CETP: variants seen among roughly 807,000 people sequenced by gnomAD.
CETP encodes the protein BPI fold containing family F.
CETP carries 56 observed loss-of-function variants against 66.5 expected under a neutral mutation model. The observed-to-expected ratio is 0.84, with a 90% CI of 0.68 to 1.05. The LOEUF (loss-of-function observed/expected upper bound fraction) is 1.05. Among genes scored for constraint, CETP ranks in the 50% least tolerant of loss-of-function variants. CETP has a pLI of 0.00. For missense variants in CETP, 612 were observed against 609.6 expected (o/e 1.00, Z -0.04); for synonymous variants, 251 against 245.7 (o/e 1.02, Z -0.20).
In CETP at chr16:56,983,707, C is replaced by A. The variant is rs554602164; in HGVS notation, c.*41C>A. On this transcript the variant is annotated 3_prime_UTR_variant, in exon 16 of 16. Transcript: ENST00000200676. ...TCGGGATGGGGCTTGTAGCAGAAGG[C>A]AAGCACCAGGCTCACAGCTGGAACC... 16 of 1,580,402 alleles carry A rather than the reference C, an allele frequency of 1.0e-5. No individual in the cohort carries two copies. Among genetic ancestry groups the A allele is most frequent in the African/African-American group, 1.3e-5 (1 of 74,330 alleles).
At chr16:56,976,038 C>T (rs1597003835) in intron 10 of CETP, among the ~76,000 whole-genome samples, 1 of 152,236 alleles carries the variant, frequency 6.6e-6, no homozygotes, top group African/African-American at 2.4e-5. Context: ...CTTGCACATA[C>T]ACAACTCACA....
chr16:56,976,457 A>ATTTCT (rs1218450422), intron 10 of CETP, among the ~76,000 whole-genome samples: 2 of 150,336 alleles, frequency 1.3e-5, no homozygotes, highest in Non-Finnish European at 3.0e-5. Context: ...AGCTCTAGAA[A>ATTTCT]TTTCTTTTCT....
chr16:56,979,173 C>A (rs1288258175), intron 11 of CETP, among the ~76,000 whole-genome samples: 1 of 152,144 alleles, frequency 6.6e-6, no homozygotes, highest in Non-Finnish European at 1.5e-5. Flanking sequence ...TGTTTATTAC[C>A]CGAGTCCACA....
Position 56,963,130 on chromosome 16 carries a change from T to A in CETP, c.233+6T>A. 1.9e-6 allele frequency: 3 copies of A among 1,610,372 alleles called. No individual in the cohort carries two copies. Among genetic ancestry groups the A allele is most frequent in the Non-Finnish European group, 2.5e-6 (3 of 1,177,154 alleles). On this transcript the variant is annotated splice_donor_region_variant and intron_variant, in intron 2 of 15. Transcript: ENST00000200676. ...GTCAAGTATGGGTTGCACAAGTGAG[T>A]CGGGCCTCGGGTGTGACCAGGCTGG...
In CETP at chr16:56,962,340, T is replaced by C. The variant is rs781767470; in HGVS notation, c.118+243T>C. On this transcript the variant is annotated intron_variant, in intron 1 of 15. Coordinates refer to ENST00000200676, the MANE Select transcript of CETP (RefSeq NM_000078.3). The stretch of plus-strand genomic sequence containing the variant: ...CATTGCAAACAGCCAGGTATAGGGA[T>C]TTGTGTTTGTCTGAGACCCAGAATC... 13 of 711,602 alleles carry C rather than the reference T, an allele frequency of 1.8e-5. No homozygotes were observed. In the Admixed American group the frequency reaches 2.1e-4, roughly 12 times the overall value. The allele number at this position is 711,602 out of a possible 1,614,324, so 44.1% of individuals were successfully genotyped here.
chr16:56,982,269 C>A, intron 14 of CETP, 32 bp downstream of exon 14: 1 of 1,603,124 alleles, frequency 6.2e-7, no homozygotes, highest in Non-Finnish European at 8.5e-7. Flanking sequence ...AACTGGGTGC[C>A]GAGGCTGACA....
At chr16:56,965,358 G>A (rs2056058621) in intron 2 of CETP, among the ~76,000 whole-genome samples, 1 of 152,174 alleles carries the variant, frequency 6.6e-6, no homozygotes, top group South Asian at 2.1e-4. Context: ...TGGGTAAGAT[G>A]AGAATTCTTC....
intron 11 of CETP, among the ~76,000 whole-genome samples, chr16:56,978,747 A>G (rs2056168105): frequency 6.6e-6 from 1 of 152,100 alleles, no homozygotes; most frequent in Non-Finnish European, 1.5e-5. Flanking sequence ...TGGCCTCCTA[A>G]GTTGCTGGGG....
At chr16:56,979,781 A>G (rs2056175217) in intron 11 of CETP, among the ~76,000 whole-genome samples, 2 of 152,208 alleles carry the variant, frequency 1.3e-5, no homozygotes, top group African/African-American at 4.8e-5. Context: ...TGCTGGGATT[A>G]CAGGCATGAG....
intron 10 of CETP, among the ~76,000 whole-genome samples, chr16:56,976,094 C>G (rs2056148311): frequency 6.6e-6 from 1 of 152,196 alleles, no homozygotes; most frequent in Admixed American, 6.5e-5. Flanking sequence ...AGCCCCTTGT[C>G]TGAGTCCTGT....
intron 7 of CETP, among the ~76,000 whole-genome samples, 181 bp downstream of exon 7, chr16:56,971,562 G>A (rs2056110593): frequency 6.6e-6 from 1 of 152,204 alleles, no homozygotes; most frequent in African/African-American, 2.4e-5. Context: ...CCTTTGGGCT[G>A]CAGCCTCACA....
intron 12 of CETP, 67 bp downstream of exon 12, chr16:56,981,292 G>A (rs2056185753): frequency 1.6e-6 from 2 of 1,284,124 alleles, no homozygotes; most frequent in Non-Finnish European, 2.3e-6. Flanking sequence ...CTTGGAGTCA[G>A]GCACAGGGCG....
rs146069143 is a variant in CETP, at chr16:56,971,084, G to A, written c.579G>A (p.Lys193=). ...LFTNFISFTL[K]LVLKGQICKE... Reference sequence around the variant, plus strand: ...CAAATTTCATCTCCTTCACCCTGAAGCTGGTCCTGAAGGGACAGGTGAGTG... The same window carrying A: ...CAAATTTCATCTCCTTCACCCTGAAACTGGTCCTGAAGGGACAGGTGAGTG... Residue 193 remains lysine (K), a synonymous_variant, in exon 6 of 16, where the codon AAG becomes AAA. Coordinates refer to ENST00000200676, the MANE Select transcript of CETP (RefSeq NM_000078.3). The A allele has an allele frequency of 3.1e-5, 50 of 1,613,996 alleles. No homozygotes were observed. Among genetic ancestry groups the A allele is most frequent in the Non-Finnish European group, 4.0e-5 (47 of 1,180,030 alleles).
intron 7 of CETP, 111 bp downstream of exon 7, chr16:56,971,492 G>A: frequency 2.2e-6 from 2 of 927,174 alleles, no homozygotes; most frequent in Non-Finnish European, 3.5e-6. Context: ...GGTCCCATGG[G>A]CTCTATCTGG....
chr16:56,975,769 G>T (rs775532248), intron 10 of CETP, among the ~76,000 whole-genome samples: 2 of 151,352 alleles, frequency 1.3e-5, no homozygotes, highest in African/African-American at 2.4e-5. Context: ...ACTTCTTCAG[G>T]CCTTCCCTGC....
intron 10 of CETP, among the ~76,000 whole-genome samples, chr16:56,976,176 C>T (rs1412886580): frequency 6.6e-6 from 1 of 152,204 alleles, no homozygotes; most frequent in Non-Finnish European, 1.5e-5. Flanking sequence ...ACCATTATCT[C>T]TAGTGGGGAC....
intron 11 of CETP, among the ~76,000 whole-genome samples, chr16:56,979,118 C>A (rs992596850): frequency 1.3e-5 from 2 of 152,006 alleles, no homozygotes; most frequent in African/African-American, 4.8e-5. Flanking sequence ...TGAGCCACCA[C>A]GCCCAGCCAA....
Position 56,973,357 on chromosome 16 carries a change from A to C in CETP, c.777A>C (p.Ser259=), listed in dbSNP as rs781455323. 4 of 1,614,176 alleles carry C rather than the reference A, an allele frequency of 2.5e-6. No homozygotes were observed. Among genetic ancestry groups the C allele is most frequent in the Non-Finnish European group, 1.7e-6 (2 of 1,180,008 alleles). The change falls in exon 9 of 16, where the codon TCA becomes TCC. Residue 259 remains serine (S), a synonymous_variant. Coordinates refer to ENST00000200676, the MANE Select transcript of CETP (RefSeq NM_000078.3). ...GTCATTTCATCTACAAGAATGTCTC[A>C]GAGGACCTCCCCCTCCCCACCTTCT... is the stretch of plus-strand genomic sequence containing the variant. ...HKGHFIYKNV[S]EDLPLPTFSP... is the part of the protein sequence containing the mutation.
chr16:56,976,467 TTTTC>T (rs1339977997), intron 10 of CETP, among the ~76,000 whole-genome samples: 1 of 151,898 alleles, frequency 6.6e-6, no homozygotes, highest in Non-Finnish European at 1.5e-5. Flanking sequence ...ATTTCTTTTC[TTTTC>T]TTTCTTTTTT....
Sources: gnomAD v4.1 joint callset for allele counts (sites outside exome capture counted in the v4.1 genomes callset) on GRCh38, gnomAD v4.1.1 for gene constraint, MANE v1.5 for transcripts, NCBI Gene and HGNC (gene_info 2026-07-23, HGNC 2026-07-21) for gene names.